KCTD19: variants seen among roughly 807,000 people sequenced by gnomAD.
KCTD19 encodes BTB/POZ domain-containing protein KCTD19.
A neutral mutation model predicts 103.5 loss-of-function variants in KCTD19; 67 were observed. That is an observed-to-expected ratio of 0.65 (90% CI 0.53 to 0.79). The LOEUF (loss-of-function observed/expected upper bound fraction) is 0.79, where lower values mean the gene tolerates loss of function less well. Ranked by LOEUF, KCTD19 falls within the 30% of genes least tolerant of loss-of-function variation. The pLI, the probability that KCTD19 is intolerant of heterozygous loss-of-function variation, is 0.00. For synonymous variants in KCTD19, 439 were observed against 452.2 expected (o/e 0.97, Z 0.37); for missense variants, 980 against 1,136.1 (o/e 0.86, Z 1.98).
intron 8 of KCTD19, 149 bp from the exon 9 acceptor site, chr16:67,295,554 G>T: frequency 1.4e-6 from 1 of 733,800 alleles, no homozygotes; most frequent in Non-Finnish European, 2.1e-6. Context: ...AAGGAACCAT[G>T]GTGGGGAGCA....
Position 67,294,083 on chromosome 16 carries a change from T to C in KCTD19, c.1679A>G (p.Gln560Arg). 6.2e-7 allele frequency: 1 copy of C among 1,614,176 alleles called. No individual in the cohort carries two copies. Among genetic ancestry groups the C allele is most frequent in the Non-Finnish European group, 8.5e-7 (1 of 1,180,010 alleles). Residue 560 changes from glutamine to arginine, a missense_variant, in exon 12 of 16, where the codon CAG (glutamine) becomes CGG (arginine). By Grantham distance (43) the Gln-to-Arg change is conservative. Coordinates refer to ENST00000304372, the MANE Select transcript of KCTD19 (RefSeq NM_001100915.3). ...KAKGNLVRSN[Q>R]MDEAEQYTRP... is the part of the protein sequence containing the mutation. ...AGTGTACTGCTCAGCCTCATCCATC[T>C]GGTTGGACCTGACCAGGTTTCCCTT...
intron 12 of KCTD19, 115 bp from the exon 13 acceptor site, chr16:67,291,952 C>A: frequency 1.7e-6 from 1 of 591,466 alleles, no homozygotes; most frequent in Non-Finnish European, 2.8e-6. Context: ...TGGCTCACTG[C>A]AACCTCTGCC....
Position 67,291,851 on chromosome 16 carries a change from A to G in KCTD19, c.2219-14T>C. On this transcript the variant is annotated splice_polypyrimidine_tract_variant and intron_variant, in intron 12 of 15. Coordinates refer to ENST00000304372, the MANE Select transcript of KCTD19 (RefSeq NM_001100915.3). ...GGGCAGGGCTTTCTGTGAAAACAAC[A>G]TAGGGAGGGGGCTCTCCTTTTAAAA... The G allele has an allele frequency of 6.4e-7, 1 of 1,561,170 alleles. No homozygotes were observed.
At chr16:67,299,652 C>G (rs781243138) in intron 5 of KCTD19, 79 bp from the exon 6 acceptor site, 1 of 1,173,972 alleles carries the variant, frequency 8.5e-7, no homozygotes, top group Non-Finnish European at 1.2e-6. Context: ...TCGGTTCCTA[C>G]TGCTGCCTCC....
chr16:67,320,340 G>A lies in KCTD19; in HGVS notation c.300+249C>T, dbSNP rs957827963. 6.6e-6 allele frequency among the ~76,000 whole-genome samples: 1 copy of A among 152,172 alleles called. No homozygotes were observed. The highest frequency in any genetic ancestry group is 2.4e-5 in the African/African-American group (1 of 41,446). On this transcript the variant is annotated intron_variant, in intron 2 of 15. Coordinates refer to ENST00000304372, the MANE Select transcript of KCTD19 (RefSeq NM_001100915.3). The surrounding 1 kb of genome is among the most constrained non-coding windows in gnomAD (Gnocchi z 4.0). ...GCTTGGGAGGTGGAGGTTGCAGTGA[G>A]CTGTGATTGCAGCAGACACCCTGTC...
intron 2 of KCTD19, among the ~76,000 whole-genome samples, chr16:67,313,379 G>A (rs1459532373): frequency 6.6e-6 from 1 of 152,070 alleles, no homozygotes; most frequent in Non-Finnish European, 1.5e-5. Flanking sequence ...CAAAGTGTTA[G>A]GATTACAGGC....
intron 2 of KCTD19, among the ~76,000 whole-genome samples, chr16:67,306,430 T>G (rs1211166879): frequency 6.6e-6 from 1 of 152,178 alleles, no homozygotes; most frequent in East Asian, 1.9e-4. Flanking sequence ...CATGCCTGGC[T>G]AATTTTTGGA....
chr16:67,305,352 T>C (rs1345066241), intron 2 of KCTD19: 2 of 238,220 alleles, frequency 8.4e-6, no homozygotes, highest in Non-Finnish European at 1.7e-5. Flanking sequence ...CAACACACTT[T>C]AACACACTTT....
chr16:67,318,202 C>T (rs1462808524), intron 2 of KCTD19, among the ~76,000 whole-genome samples: 2 of 152,168 alleles, frequency 1.3e-5, no homozygotes, highest in African/African-American at 4.8e-5. Context: ...ACTTCTACTC[C>T]TCACACAATG....
intron 2 of KCTD19, among the ~76,000 whole-genome samples, chr16:67,315,882 G>C (rs1340144102): frequency 6.6e-6 from 1 of 152,030 alleles, no homozygotes; most frequent in Non-Finnish European, 1.5e-5. Context: ...CCAAAGTGCT[G>C]GGATTATAGG....
At chr16:67,309,145 G>T (rs886749800) in intron 2 of KCTD19, among the ~76,000 whole-genome samples, 1 of 143,254 alleles carries the variant, frequency 7.0e-6, no homozygotes, top group Non-Finnish European at 1.5e-5. Context: ...AAAAAAAAAA[G>T]AAAAAAGAAA....
At position 67,299,535 on chromosome 16, in the gene KCTD19, C is replaced by G; in HGVS notation, c.814G>C (p.Gly272Arg). ...AGGCTGGCTGTGCGGGCCCCCTTCCCGGGGCTCAGGGGAGAACAGGTGGTC... is the reference window on the plus strand; with the variant it reads ...AGGCTGGCTGTGCGGGCCCCCTTCCGGGGGCTCAGGGGAGAACAGGTGGTC... ...SPTTCSPLSP[G>R]KGARTASLES... Residue 272 changes from glycine (G) to arginine (R), a missense_variant, in exon 6 of 16, where the codon GGG becomes CGG. Physicochemically the swap from Gly to Arg is moderately radical, Grantham distance 125 (BLOSUM62 -2). Coordinates refer to ENST00000304372, the MANE Select transcript of KCTD19 (RefSeq NM_001100915.3). The G allele has an allele frequency of 1.9e-6, 3 of 1,613,910 alleles. No individual in the cohort carries two copies. The highest frequency in any genetic ancestry group is 2.5e-6 in the Non-Finnish European group (3 of 1,180,008).
rs760419648 is a variant in KCTD19 at position 67,294,959 on chromosome 16, TAA to T, written c.1475+12_1475+13del. ...CCAAATTCTAAACATAGAGTCGTGA[TAA>T]AGTTTTCTTACTTGTATGCTTCACA... On this transcript the variant is annotated intron_variant, in intron 10 of 15. Coordinates refer to ENST00000304372, the MANE Select transcript of KCTD19 (RefSeq NM_001100915.3). The T allele has an allele frequency of 3.8e-6, 6 of 1,595,714 alleles. No homozygotes were observed. The highest frequency in any genetic ancestry group is 1.3e-5 in the African/African-American group (1 of 74,528).
chr16:67,295,042 A>G lies in KCTD19; in HGVS notation c.1406T>C (p.Phe469Ser). The G allele has an allele frequency of 6.2e-7, 1 of 1,614,040 alleles. No homozygotes were observed. ...LPSEFKEWPLFCQEVEEYHIP... is the reference protein window; with the variant it reads ...LPSEFKEWPLSCQEVEEYHIP... ...GTGGTATTCCTCCACCTCCTGGCAGAAGAGGGGCCATTCCCTGCAAACAAC... is the reference window on the plus strand; with the variant it reads ...GTGGTATTCCTCCACCTCCTGGCAGGAGAGGGGCCATTCCCTGCAAACAAC... The change falls in exon 10 of 16, where the codon TTC (phenylalanine) becomes TCC (serine). Residue 469 changes from phenylalanine (F) to serine (S), a missense_variant. Phe to Ser is a radical substitution (Grantham distance 155, BLOSUM62 -2). Transcript: ENST00000304372.
chr16:67,315,058 A>C (rs2036995600), intron 2 of KCTD19, among the ~76,000 whole-genome samples: 1 of 151,606 alleles, frequency 6.6e-6, no homozygotes, highest in African/African-American at 2.4e-5. Flanking sequence ...TTGGAGTCTC[A>C]CTTTGTTGCC....
At chr16:67,322,756 C>T (rs1370653139) in intron 1 of KCTD19, among the ~76,000 whole-genome samples, 1 of 152,112 alleles carries the variant, frequency 6.6e-6, no homozygotes, top group African/African-American at 2.4e-5. Flanking sequence ...AGGGCACCAT[C>T]AAGAAGGTGA....
chr16:67,312,717 A>T (rs2036961589), intron 2 of KCTD19, among the ~76,000 whole-genome samples: 1 of 152,204 alleles, frequency 6.6e-6, no homozygotes, highest in Non-Finnish European at 1.5e-5. Context: ...GAAACAAAGG[A>T]GTTGTCCATT....
rs756124908 is a variant in KCTD19 at position 67,296,175 on chromosome 16, A to G, written c.1232T>C (p.Leu411Pro). 2 of 1,609,732 alleles carry G rather than the reference A, an allele frequency of 1.2e-6. No homozygotes were observed. The highest frequency in any genetic ancestry group is 4.5e-5 in the East Asian group (2 of 44,858). The change falls in exon 8 of 16, where the codon CTG (leucine) becomes CCG (proline). Residue 411 changes from leucine to proline, a missense_variant. Leu to Pro is a moderately conservative substitution (Grantham distance 98). Transcript: ENST00000304372. ...CGTCAGTACCTTCAGCAGTGTCTGC[A>G]GGGTGGTTGCGTACCAGTGGCTTCC... The part of the protein sequence containing the change: ...YVGSHWYATT[L>P]QTLLKYPELL...
rs536898701 is a variant in KCTD19 at position 67,322,690 on chromosome 16, A to G, written c.4-1805T>C. Among the ~76,000 whole-genome samples the G allele has an allele frequency of 1.2e-4, 18 of 152,340 alleles. No individual in the cohort carries two copies. In the South Asian group the frequency reaches 3.7e-3, roughly 32 times the overall value. On this transcript the variant is annotated intron_variant, in intron 1 of 15. Transcript: ENST00000304372. ...AGATGTGACACTAAAAGCAAAAGTGACCAAAAAAATAGATAAATGGAACTT... is the reference window on the plus strand; with the variant it reads ...AGATGTGACACTAAAAGCAAAAGTGGCCAAAAAAATAGATAAATGGAACTT...
Sources: allele counts gnomAD v4.1 joint callset (sites outside exome capture counted in the v4.1 genomes callset), GRCh38; gene constraint gnomAD v4.1.1; non-coding constraint Gnocchi (gnomAD v3.1); transcripts MANE v1.5; gene names NCBI Gene and HGNC (gene_info 2026-07-23, HGNC 2026-07-21).